Variants in CYP27A1 observed in about 807,000 individuals in gnomAD.
The protein encoded by CYP27A1 is sterol 26-hydroxylase, mitochondrial.
A neutral mutation model predicts 58.2 loss-of-function variants in CYP27A1; 46 were observed. The ratio of observed to expected loss-of-function variants is 0.79; its 90% CI spans 0.62 to 1.01. The LOEUF is 1.01. Ranked by LOEUF, CYP27A1 falls within the 50% of genes least tolerant of loss-of-function variation. CYP27A1 has a pLI of 0.00. For synonymous variants in CYP27A1, 274 were observed against 285.1 expected, an observed-to-expected ratio of 0.96 and a Z score of 0.39; for missense variants, 704 against 687.0, an observed-to-expected ratio of 1.02 and a Z score of -0.28.
chr2:218,787,597 G>A (rs1943452259), intron 1 of CYP27A1, among the ~76,000 whole-genome samples: 1 of 152,186 alleles, frequency 6.6e-6, no homozygotes, highest in Admixed American at 6.5e-5. Flanking sequence ...TGACAGGTGG[G>A]ACCTTTAAGA....
At chr2:218,808,222 T>C (rs950974868) in intron 1 of CYP27A1, among the ~76,000 whole-genome samples, 2 of 152,252 alleles carry the variant, frequency 1.3e-5, no homozygotes, top group African/African-American at 2.4e-5. Context: ...CAGTATATTT[T>C]CCTTCCAGGA....
In CYP27A1 at chr2:218,814,127, C is replaced by T. The variant is rs1316742821; in HGVS notation, c.1124C>T (p.Pro375Leu). The T allele has an allele frequency of 6.2e-7, 1 of 1,614,248 alleles. No homozygotes were observed. ...VVGVVPAGQVPQHKDFAHMPL... is the reference protein window; with the variant it reads ...VVGVVPAGQVLQHKDFAHMPL... ...GGTGTGGTGCCAGCCGGGCAAGTGC[C>T]CCAGCACAAGGACTTTGCCCACATG... The change falls in exon 6 of 9, where the codon CCC (proline) becomes CTC (leucine). Residue 375 changes from proline to leucine, a missense_variant. By Grantham distance (98) the Pro-to-Leu change is moderately conservative. Coordinates refer to ENST00000258415, the MANE Select transcript of CYP27A1 (RefSeq NM_000784.4).
intron 1 of CYP27A1, 104 bp from the exon 2 acceptor site, chr2:218,809,473 C>CAA: frequency 3.4e-6 from 1 of 297,718 alleles, no homozygotes; most frequent in Non-Finnish European, 6.3e-6. Context: ...TTGCCCAGCT[C>CAA]ATTTGCTCTT....
rs546334470 is a variant in CYP27A1, at chr2:218,783,272, A to AAG, written c.255+836_255+837insGA. Among the ~76,000 whole-genome samples the AAG allele has an allele frequency of 4.7e-3, 718 of 151,190 alleles. 7 individuals carry two copies. Among genetic ancestry groups the AAG allele is most frequent in the African/African-American group, 0.017 (681 of 41,218 alleles). On this transcript the variant is annotated intron_variant, in intron 1 of 8. Coordinates refer to ENST00000258415, the MANE Select transcript of CYP27A1 (RefSeq NM_000784.4). ...AACTCTGTCTCAAAAAAAAAAAAAA[A>AAG]AAAAGAAAAAAAGAAAAAAGAAATC...
intron 1 of CYP27A1, among the ~76,000 whole-genome samples, chr2:218,803,101 C>T (rs1480179716): frequency 2.6e-5 from 4 of 152,068 alleles, no homozygotes; most frequent in Non-Finnish European, 2.9e-5. Flanking sequence ...TGCGCCATCA[C>T]GCCTGGCTAA....
At chr2:218,783,630 A>C (rs1943415920) in intron 1 of CYP27A1, among the ~76,000 whole-genome samples, 1 of 152,224 alleles carries the variant, frequency 6.6e-6, no homozygotes, top group Non-Finnish European at 1.5e-5. Context: ...GAGGACAAAG[A>C]GATAAAGCAA....
At chr2:218,802,812 C>G (rs1038753733) in intron 1 of CYP27A1, among the ~76,000 whole-genome samples, 1 of 152,094 alleles carries the variant, frequency 6.6e-6, no homozygotes, top group African/African-American at 2.4e-5. Context: ...AACATCTTTT[C>G]TTGTGGTTAA....
chr2:218,814,916 C>A lies in CYP27A1; in HGVS notation c.1482C>A (p.Ile494=). 6.2e-7 allele frequency: 1 copy of A among 1,614,220 alleles called. No homozygotes were observed. The highest frequency in any genetic ancestry group is 8.5e-7 in the Non-Finnish European group (1 of 1,180,042). ...ATGTGCTCTTTACCCCCCAGCTGAT[C>A]CAGAAGTACAAGGTGGTCCTGGCCC... The part of the protein sequence containing the change: ...LEMQLLLARL[I]QKYKVVLAPE... Residue 494 remains isoleucine, a synonymous_variant, in exon 9 of 9, where the codon ATC becomes ATA. Transcript: ENST00000258415.
intron 1 of CYP27A1, among the ~76,000 whole-genome samples, chr2:218,807,424 C>T (rs1943663205): frequency 6.6e-6 from 1 of 152,134 alleles, no homozygotes; most frequent in African/African-American, 2.4e-5. Context: ...CAAGGATTCC[C>T]TGCCTTCTAG....
rs1943753172 is a variant in CYP27A1, at chr2:218,814,012, A to G, written c.1018-9A>G. ...TCGCCCTCACCTGATCTCCCACTCT[A>G]TCTTCTAGACATCCAACACGCTGAC... On this transcript the variant is annotated splice_polypyrimidine_tract_variant and intron_variant, in intron 5 of 8. Coordinates refer to ENST00000258415, the MANE Select transcript of CYP27A1 (RefSeq NM_000784.4). The G allele has an allele frequency of 1.2e-6, 2 of 1,613,784 alleles. No homozygotes were observed. The highest frequency in any genetic ancestry group is 2.2e-5 in the East Asian group (1 of 44,884).
At chr2:218,789,592 G>C (rs1350610255) in intron 1 of CYP27A1, among the ~76,000 whole-genome samples, 1 of 152,228 alleles carries the variant, frequency 6.6e-6, no homozygotes, top group African/African-American at 2.4e-5. Flanking sequence ...TGGCACAAGA[G>C]TAGGCTACAG....
rs1042072855 is a variant in CYP27A1 at position 218,814,213 on chromosome 2, G to A, written c.1184+26G>A. ...GTAGGACAGAATGCTGTTCTGGGGG[G>A]CACAGGATCTCTTTGTGGGGAGGGA... On this transcript the variant is annotated intron_variant, in intron 6 of 8. Transcript: ENST00000258415. 4 of 1,613,930 alleles carry A rather than the reference G, an allele frequency of 2.5e-6. No homozygotes were observed. In the African/African-American group the frequency reaches 4.0e-5, roughly 16 times the overall value.
chr2:218,807,254 C>T (rs1220980174), intron 1 of CYP27A1, among the ~76,000 whole-genome samples: 4 of 152,012 alleles, frequency 2.6e-5, no homozygotes, highest in African/African-American at 7.2e-5. Flanking sequence ...CCACTGTGCC[C>T]GGCCCTCCTA....
rs776752717 is a variant in CYP27A1, at chr2:218,814,942, C to G, written c.1508C>G (p.Pro503Arg). ...CAGAAGTACAAGGTGGTCCTGGCCCCGGAGACGGGGGAGTTGAAGAGTGTG... is the reference window on the plus strand; with the variant it reads ...CAGAAGTACAAGGTGGTCCTGGCCCGGGAGACGGGGGAGTTGAAGAGTGTG... The part of the protein sequence containing the change: ...LIQKYKVVLA[P>R]ETGELKSVAR... The change falls in exon 9 of 9, where the codon CCG (proline) becomes CGG (arginine). Residue 503 changes from proline to arginine, a missense_variant. Coordinates refer to ENST00000258415, the MANE Select transcript of CYP27A1 (RefSeq NM_000784.4). 1.2e-6 allele frequency: 2 copies of G among 1,614,222 alleles called. No homozygotes were observed. Among genetic ancestry groups the G allele is most frequent in the Non-Finnish European group, 1.7e-6 (2 of 1,180,036 alleles).
intron 1 of CYP27A1, among the ~76,000 whole-genome samples, chr2:218,785,387 G>T (rs935267192): frequency 6.6e-6 from 1 of 152,042 alleles, no homozygotes; most frequent in Non-Finnish European, 1.5e-5. Context: ...GACTAGTACT[G>T]GTCTGTGGCC....
At chr2:218,812,470 G>A (rs777900382) in intron 3 of CYP27A1, 49 bp downstream of exon 3, 5 of 1,609,732 alleles carry the variant, frequency 3.1e-6, no homozygotes, top group South Asian at 1.1e-5. Flanking sequence ...TCAGGGAGAG[G>A]TTGTGCTCCC....
chr2:218,812,166 C>T (rs1281694983), intron 2 of CYP27A1, 56 bp from the exon 3 acceptor site: 13 of 1,391,218 alleles, frequency 9.3e-6, no homozygotes, highest in Non-Finnish European at 1.3e-5. Context: ...GAAGATCTCC[C>T]TTAATTGAAC....
intron 1 of CYP27A1, among the ~76,000 whole-genome samples, chr2:218,803,868 G>GTCT: frequency 6.6e-6 from 1 of 151,262 alleles, no homozygotes; most frequent in Admixed American, 6.6e-5. Context: ...GAGTAGCTGG[G>GTCT]ACTACAAGCA....
chr2:218,788,298 T>C (rs1010027191), intron 1 of CYP27A1, among the ~76,000 whole-genome samples: 1 of 152,240 alleles, frequency 6.6e-6, no homozygotes, highest in Non-Finnish European at 1.5e-5. Flanking sequence ...TTAGAACACT[T>C]GGACTTCTTG....
Sources: allele counts gnomAD v4.1 joint callset (sites outside exome capture counted in the v4.1 genomes callset), GRCh38; gene constraint gnomAD v4.1.1; transcripts MANE v1.5; gene names NCBI Gene and HGNC (gene_info 2026-07-23, HGNC 2026-07-21).